PGM5: variants seen among roughly 807,000 people sequenced by gnomAD.
PGM5 encodes the protein phosphoglucomutase-like protein 5.
A neutral mutation model predicts 59.2 loss-of-function variants in PGM5; 23 were observed. That is an observed-to-expected ratio of 0.39 (90% CI 0.28 to 0.55). The LOEUF (loss-of-function observed/expected upper bound fraction) is 0.55. Ranked by LOEUF, PGM5 falls within the 20% of genes least tolerant of loss-of-function variation. The pLI is 0.66. For missense variants in PGM5, 574 were observed against 748.3 expected (o/e 0.77, Z 2.72); for synonymous variants, 214 against 286.0 (o/e 0.75, Z 2.54).
At chr9:68,495,368 A>T (rs1824466622) in intron 9 of PGM5, among the ~76,000 whole-genome samples, 1 of 152,240 alleles carries the variant, frequency 6.6e-6, no homozygotes, top group Admixed American at 6.5e-5. Context: ...GCTGAACCTC[A>T]AATTTGGCAT....
At chr9:68,390,145 G>T (rs1423801773) in intron 4 of PGM5, among the ~76,000 whole-genome samples, 11 of 152,098 alleles carry the variant, frequency 7.2e-5, no homozygotes, top group Admixed American at 5.2e-4. Context: ...CTCTGAGCCT[G>T]CTATGGGTCT....
rs562641192 is a variant in PGM5 at position 68,525,833 on chromosome 9, A to G, written c.1615-3734A>G. Among the ~76,000 whole-genome samples the G allele has an allele frequency of 7.5e-3, 1,136 of 152,204 alleles. 5 individuals are homozygous for G. The highest frequency in any genetic ancestry group is 0.014 in the Middle Eastern group (4 of 292). ...GCACTTTGGGAGGCCGAGGCGGGCA[A>G]ATCACGAGGTCAGGAGATCAAGACC... is the stretch of plus-strand genomic sequence containing the variant. On this transcript the variant is annotated intron_variant, in intron 10 of 10. Transcript: ENST00000396396.
At chr9:68,372,802 C>T (rs1397436913) in intron 1 of PGM5, among the ~76,000 whole-genome samples, 17 of 152,022 alleles carry the variant, frequency 1.1e-4, no homozygotes, top group Admixed American at 6.5e-4. Context: ...TGGGAGCAGG[C>T]ATATCACACA....
At position 68,391,615 on chromosome 9, in the gene PGM5, A is replaced by C. The variant is rs1387017595; in HGVS notation, c.779A>C (p.Glu260Ala). 15 of 1,613,358 alleles carry C rather than the reference A, an allele frequency of 9.3e-6. No individual in the cohort carries two copies. Among genetic ancestry groups the C allele is most frequent in the Non-Finnish European group, 1.2e-5 (14 of 1,179,478 alleles). Reference protein sequence around the residue: ...ANSAINCVPLEDFGGQHPDPN... With the variant: ...ANSAINCVPLADFGGQHPDPN... ...TCTGCAATAAACTGTGTTCCCCTGG[A>C]AGACTTTGGAGGGCAGCACCCTGAC... Residue 260 changes from glutamate to alanine, a missense_variant, in exon 5 of 11, where the codon GAA (glutamate) becomes GCA (alanine). Around this residue, in one of 7 missense-constraint regions of PGM5, gnomAD observed 34 missense variants for 48.1 expected, o/e 0.71. Transcript: ENST00000396396.
intron 6 of PGM5, among the ~76,000 whole-genome samples, chr9:68,432,769 C>T (rs1298010087): frequency 6.6e-6 from 1 of 151,932 alleles, no homozygotes; most frequent in Non-Finnish European, 1.5e-5. Flanking sequence ...CCACACCTGG[C>T]TAATTTTTGG....
At chr9:68,487,364 GTTCCCTCCC>G in intron 9 of PGM5, among the ~76,000 whole-genome samples, 1 of 151,874 alleles carries the variant, frequency 6.6e-6, no homozygotes, top group Admixed American at 6.6e-5. Context: ...AGAAATATCA[GTTCCCTCCC>G]CTTGACCAGA....
chr9:68,360,184 G>C (rs1326472667), intron 1 of PGM5, among the ~76,000 whole-genome samples: 2 of 152,018 alleles, frequency 1.3e-5, no homozygotes, highest in African/African-American at 4.8e-5. Flanking sequence ...TTATGTAATT[G>C]CTGGAGAAGA....
At chr9:68,389,479 G>A (rs1378087046) in intron 4 of PGM5, among the ~76,000 whole-genome samples, 4 of 151,996 alleles carry the variant, frequency 2.6e-5, no homozygotes, top group Non-Finnish European at 5.9e-5. Flanking sequence ...AGAAAGTTAT[G>A]TAAATGGAAG....
intron 6 of PGM5, among the ~76,000 whole-genome samples, chr9:68,456,208 C>A (rs1823771765): frequency 6.6e-6 from 1 of 152,062 alleles, no homozygotes; most frequent in Non-Finnish European, 1.5e-5. Flanking sequence ...AGTGAGTGTA[C>A]CAACTTATAA....
At chr9:68,420,141 G>A (rs1823103136) in intron 6 of PGM5, among the ~76,000 whole-genome samples, 1 of 152,174 alleles carries the variant, frequency 6.6e-6, no homozygotes, top group African/African-American at 2.4e-5. Flanking sequence ...ATTGATGGCA[G>A]TCTCAGCTCA....
At chr9:68,389,391 G>T (rs1489520946) in intron 4 of PGM5, among the ~76,000 whole-genome samples, 1 of 152,030 alleles carries the variant, frequency 6.6e-6, no homozygotes, top group African/African-American at 2.4e-5. Context: ...GCAGCCCTTT[G>T]TAGTCAAACC....
chr9:68,431,213 G>C (rs1353028754), intron 6 of PGM5, among the ~76,000 whole-genome samples: 1 of 152,148 alleles, frequency 6.6e-6, no homozygotes, highest in Non-Finnish European at 1.5e-5. Context: ...AGCCCATCTG[G>C]AGCCCTTGTT....
At chr9:68,451,635 C>T (rs190183329) in intron 6 of PGM5, among the ~76,000 whole-genome samples, 1 of 152,148 alleles carries the variant, frequency 6.6e-6, no homozygotes, top group Non-Finnish European at 1.5e-5. Flanking sequence ...TAAAATATGC[C>T]ATTCAAAGTT....
chr9:68,429,339 G>A (rs1174265826), intron 6 of PGM5: 2 of 151,982 alleles, frequency 1.3e-5, no homozygotes, highest in Non-Finnish European at 2.9e-5. Context: ...TGCATTGCTA[G>A]AGCAATAAAT....
rs533682199 is a variant in PGM5, at chr9:68,413,063, G to A, written c.1043+20590G>A. 7.2e-5 allele frequency among the ~76,000 whole-genome samples: 11 copies of A among 152,298 alleles called. No individual in the cohort carries two copies. In the East Asian group the frequency reaches 1.2e-3, roughly 16 times the overall value. On this transcript the variant is annotated intron_variant, in intron 6 of 10. Coordinates refer to ENST00000396396, the MANE Select transcript of PGM5 (RefSeq NM_021965.4). ...CATTTATCAAGGCAGGGCTTGGCCC[G>A]AAATCAGGGCTATTTGGACAGGTAC...
Position 68,443,369 on chromosome 9 carries a change from G to C in PGM5, c.1044-21724G>C, listed in dbSNP as rs189498963. ...TGCCAGGGGCTAGGGGTGGAGGGAG[G>C]TGTGTGACTTCATGAGGGAGTTTCT... On this transcript the variant is annotated intron_variant, in intron 6 of 10. Transcript: ENST00000396396. Among the ~76,000 whole-genome samples the C allele has an allele frequency of 1.4e-4, 21 of 152,232 alleles. No homozygotes were observed. The East Asian group carries it at 3.9e-3, about 28-fold the overall frequency.
At chr9:68,434,328 AAAAAAAAAAAAGAAAAAGAAAAAAAG>A (rs1823409156) in intron 6 of PGM5, among the ~76,000 whole-genome samples, 1 of 135,972 alleles carries the variant, frequency 7.4e-6, no homozygotes, top group Non-Finnish European at 1.5e-5. Context: ...AAAAAAAAAA[AAAAAAAAAAAAGAAAAAGAAAAAAAG>A]AAAAAAATGT....
At chr9:68,469,496 T>C (rs77270885) in intron 7 of PGM5, among the ~76,000 whole-genome samples, 10,992 of 152,282 alleles carry the variant, frequency 0.072, 623 homozygotes, top group African/African-American at 0.16. Context: ...CACTGTGAAC[T>C]CTGAAGTACA....
At chr9:68,500,486 G>A (rs1246309974) in intron 10 of PGM5, among the ~76,000 whole-genome samples, 1 of 152,014 alleles carries the variant, frequency 6.6e-6, no homozygotes, top group Non-Finnish European at 1.5e-5. Flanking sequence ...GGGTTACCAA[G>A]AGCATGAGTG....
Sources: allele counts gnomAD v4.1 joint callset (sites outside exome capture counted in the v4.1 genomes callset), GRCh38; gene constraint gnomAD v4.1.1; regional missense constraint gnomAD v4.1.1; transcripts MANE v1.5; gene names NCBI Gene and HGNC (gene_info 2026-07-23, HGNC 2026-07-21).